The following KCNQ1 variants were observed in gnomAD, a reference collection of about 807,000 sequenced individuals.
KCNQ1 encodes potassium voltage-gated channel subfamily KQT member 1.
KCNQ1 carries 49 observed loss-of-function variants against 72.4 expected under a neutral mutation model. That is an observed-to-expected ratio of 0.68 (90% CI 0.54 to 0.86). The LOEUF (loss-of-function observed/expected upper bound fraction) is 0.86, where lower values mean the gene tolerates loss of function less well. Among genes scored for constraint, KCNQ1 ranks in the 40% least tolerant of loss-of-function variants. KCNQ1 has a pLI of 0.00. For synonymous variants in KCNQ1, 450 were observed against 412.6 expected (o/e 1.09, Z -1.10); for missense variants, 790 against 945.1 (o/e 0.84, Z 2.15).
rs34219164 is a variant in KCNQ1 at position 2,674,832 on chromosome 11, TAAAAAAAA to T, written c.1514+12772_1514+12779del. Reference sequence around the variant, plus strand: ...GCTTGTCACCCTAATAGCTGTTTTTTAAAAAAAAAAAAAAAAAAAAAAAAAAAAGCTCA... The same window carrying T: ...GCTTGTCACCCTAATAGCTGTTTTTTAAAAAAAAAAAAAAAAAAAAGCTCA... On this transcript the variant is annotated intron_variant, in intron 11 of 15. Coordinates refer to ENST00000155840, the MANE Select transcript of KCNQ1 (RefSeq NM_000218.3). This position sits in a 1 kb window ranked among gnomAD's most constrained non-coding sequence, Gnocchi z 5.9. 3.3e-5 allele frequency: 10 copies of T among 303,898 alleles called. No homozygotes were observed. The highest frequency in any genetic ancestry group is 1.4e-4 in the African/African-American group (4 of 27,852). 18.8% of individuals were successfully genotyped at this position (303,898 alleles called of 1,614,324 possible). A position where few individuals can be genotyped will look rare whatever the true frequency, so the allele number is the denominator to read the frequency against.
intron 11 of KCNQ1, chr11:2,699,712 C>T (rs1850755676): frequency 8.6e-6 from 3 of 347,240 alleles, no homozygotes; most frequent in Non-Finnish European, 1.5e-5. Context: ...AGAACGGCGC[C>T]GAGGAGTCCC....
intron 11 of KCNQ1, among the ~76,000 whole-genome samples, chr11:2,732,920 C>T (rs906457178): frequency 6.6e-6 from 1 of 152,118 alleles, no homozygotes; most frequent in African/African-American, 2.4e-5. Context: ...CTGGTCCCAC[C>T]CACCCTCTGG....
chr11:2,493,338 G>A lies in KCNQ1; in HGVS notation c.387-34590G>A, dbSNP rs1846864447. Among the ~76,000 whole-genome samples the A allele has an allele frequency of 6.6e-6, 1 of 152,122 alleles. No individual in the cohort carries two copies. Among genetic ancestry groups the A allele is most frequent in the African/African-American group, 2.4e-5 (1 of 41,432 alleles). On this transcript the variant is annotated intron_variant, in intron 1 of 15. Transcript: ENST00000155840. The surrounding 1 kb of genome is among the most constrained non-coding windows in gnomAD (Gnocchi z 5.3). Reference sequence around the variant, plus strand: ...TGATGCTAGCTTCTTTTACTGTGCAGAAGCTCTTTAGTTTAATTAGATCCC... The same window carrying A: ...TGATGCTAGCTTCTTTTACTGTGCAAAAGCTCTTTAGTTTAATTAGATCCC...
In KCNQ1 at chr11:2,588,970, A is replaced by G; in HGVS notation, c.1393+116A>G. On this transcript the variant is annotated intron_variant, in intron 10 of 15. Coordinates refer to ENST00000155840, the MANE Select transcript of KCNQ1 (RefSeq NM_000218.3). The surrounding 1 kb of genome is among the most constrained non-coding windows in gnomAD (Gnocchi z 5.6). ...GGGCTGTGGTCTCTGACAACGAGGT[A>G]TGAACAGACAGAGGGTGGAGCTTCT... 2 of 1,229,256 alleles carry G rather than the reference A, an allele frequency of 1.6e-6. No homozygotes were observed. The highest frequency in any genetic ancestry group is 2.3e-6 in the Non-Finnish European group (2 of 865,128). 76.1% of individuals were successfully genotyped at this position (1,229,256 alleles called of 1,614,324 possible).
chr11:2,448,912 C>T (rs940291167), intron 1 of KCNQ1, among the ~76,000 whole-genome samples: 1 of 152,224 alleles, frequency 6.6e-6, no homozygotes, highest in Admixed American at 6.5e-5. Flanking sequence ...CACAGGCATC[C>T]CTTACCCCTG....
At position 2,718,825 on chromosome 11, in the gene KCNQ1, C is replaced by G. The variant is rs1851147684; in HGVS notation, c.1515-50019C>G. On this transcript the variant is annotated intron_variant, in intron 11 of 15. Coordinates refer to ENST00000155840, the MANE Select transcript of KCNQ1 (RefSeq NM_000218.3). ...CAGGTGCCCATTTTACTACAGGGAT[C>G]TGAGAGCTGGCTAGGCAGGCATCCC... is the stretch of plus-strand genomic sequence containing the variant. 3.3e-5 allele frequency among the ~76,000 whole-genome samples: 5 copies of G among 152,258 alleles called. No homozygotes were observed. In the South Asian group the frequency reaches 1.0e-3, roughly 31 times the overall value.
chr11:2,769,899 G>A lies in KCNQ1; in HGVS notation c.1590+980G>A, dbSNP rs935679640. On this transcript the variant is annotated intron_variant, in intron 12 of 15. Transcript: ENST00000155840. The surrounding 1 kb of genome is among the most constrained non-coding windows in gnomAD (Gnocchi z 4.6). ...CCAGGAAGGCTCAGCAATGTCCGCC[G>A]ACCACCAGGACCCACAGTCGGTGGC... Among the ~76,000 whole-genome samples, 28 of 152,084 alleles carry A rather than the reference G, an allele frequency of 1.8e-4. No homozygotes were observed. The highest frequency in any genetic ancestry group is 6.0e-4 in the African/African-American group (25 of 41,406).
At chr11:2,838,659 G>C (rs533123753) in intron 15 of KCNQ1, among the ~76,000 whole-genome samples, 2 of 152,176 alleles carry the variant, frequency 1.3e-5, no homozygotes, top group South Asian at 4.1e-4. Context: ...GGATGTGGGG[G>C]CAGCAGGGCC....
At chr11:2,694,248 G>A (rs1350386065) in intron 11 of KCNQ1, 2 of 398,688 alleles carry the variant, frequency 5.0e-6, no homozygotes, top group Middle Eastern at 6.3e-4. Flanking sequence ...GCAAGCCAGG[G>A]CCTGCTGCCT....
rs1037137068 is a variant in KCNQ1 at position 2,826,029 on chromosome 11, G to A, written c.1795-21738G>A. On this transcript the variant is annotated intron_variant, in intron 15 of 15. Coordinates refer to ENST00000155840, the MANE Select transcript of KCNQ1 (RefSeq NM_000218.3). The surrounding 1 kb of genome is among the most constrained non-coding windows in gnomAD (Gnocchi z 4.2). The stretch of plus-strand genomic sequence containing the variant: ...TCGTCCTCCCCGCCATCCTGGAAAC[G>A]ATTTTGTTGTCTGCAGAGATTATGT... 2.6e-5 allele frequency among the ~76,000 whole-genome samples: 4 copies of A among 152,146 alleles called. No homozygotes were observed. Among genetic ancestry groups the A allele is most frequent in the South Asian group, 2.1e-4 (1 of 4,822 alleles).
At chr11:2,552,592 A>T (rs1436199868) in intron 2 of KCNQ1, among the ~76,000 whole-genome samples, 1 of 152,250 alleles carries the variant, frequency 6.6e-6, no homozygotes, top group Non-Finnish European at 1.5e-5. Context: ...CTACCAAAAA[A>T]AAAATTGGCT....
At chr11:2,757,446 T>C (rs913684851) in intron 11 of KCNQ1, among the ~76,000 whole-genome samples, 2 of 152,214 alleles carry the variant, frequency 1.3e-5, no homozygotes, top group Non-Finnish European at 2.9e-5. Flanking sequence ...TGGAGAGATA[T>C]TCCATGTTCA....
Position 2,731,603 on chromosome 11 carries a change from G to A in KCNQ1, c.1515-37241G>A, listed in dbSNP as rs574374137. 1.6e-4 allele frequency among the ~76,000 whole-genome samples: 25 copies of A among 152,366 alleles called. 1 individual carries two copies. The South Asian group carries it at 5.0e-3, about 30-fold the overall frequency. ...TTCGCTGCTTGAGGCAAGCCCTCCG[G>A]AACAGACCCATCTTTTGGGGGACCC... On this transcript the variant is annotated intron_variant, in intron 11 of 15. Coordinates refer to ENST00000155840, the MANE Select transcript of KCNQ1 (RefSeq NM_000218.3).
chr11:2,622,813 C>A, intron 10 of KCNQ1: 1 of 398,612 alleles, frequency 2.5e-6, no homozygotes, highest in Non-Finnish European at 4.4e-6. Flanking sequence ...ACATACAGAG[C>A]TTTTCCCATT....
chr11:2,658,576 G>A lies in KCNQ1; in HGVS notation c.1394-3385G>A. On this transcript the variant is annotated intron_variant, in intron 10 of 15. Coordinates refer to ENST00000155840, the MANE Select transcript of KCNQ1 (RefSeq NM_000218.3). This position sits in a 1 kb window ranked among gnomAD's most constrained non-coding sequence, Gnocchi z 4.9. ...CCCTAGAATCATCCATTCATCCAGA[G>A]AGCCCTGGCTCCCTGGAGAATGAAT... 1 of 339,182 alleles carries A rather than the reference G, an allele frequency of 2.9e-6. No individual in the cohort carries two copies. Among genetic ancestry groups the A allele is most frequent in the African/African-American group, 2.6e-5 (1 of 37,868 alleles). The allele number at this position is 339,182 out of a possible 1,614,324, so 21.0% of individuals were successfully genotyped here.
chr11:2,735,056 A>G lies in KCNQ1; in HGVS notation c.1515-33788A>G, dbSNP rs933404238. On this transcript the variant is annotated intron_variant, in intron 11 of 15. Coordinates refer to ENST00000155840, the MANE Select transcript of KCNQ1 (RefSeq NM_000218.3). The surrounding 1 kb of genome is among the most constrained non-coding windows in gnomAD (Gnocchi z 7.7). ...TAACAAGAGGCACATGTGCCAGGGA[A>G]GCCCTGCCTTGTCATCACCTGTGCC... Among the ~76,000 whole-genome samples, 1 of 152,076 alleles carries G rather than the reference A, an allele frequency of 6.6e-6. No homozygotes were observed. Among genetic ancestry groups the G allele is most frequent in the Non-Finnish European group, 1.5e-5 (1 of 67,986 alleles).
At chr11:2,701,561 A>G (rs548984001) in intron 11 of KCNQ1, among the ~76,000 whole-genome samples, 1 of 152,328 alleles carries the variant, frequency 6.6e-6, no homozygotes, top group South Asian at 2.1e-4. Context: ...TTCACGCTAT[A>G]ATGTCACTGT....
chr11:2,663,943 A>G lies in KCNQ1; in HGVS notation c.1514+1862A>G. The G allele has an allele frequency of 7.5e-6, 3 of 398,670 alleles. No individual in the cohort carries two copies. Among genetic ancestry groups the G allele is most frequent in the Non-Finnish European group, 1.3e-5 (3 of 226,112 alleles). 24.7% of individuals were successfully genotyped at this position (398,670 alleles called of 1,614,324 possible). A position where few individuals can be genotyped will look rare whatever the true frequency, so the allele number is the denominator to read the frequency against. Reference sequence around the variant, plus strand: ...GGGCTGTTTCTTGTTCCACTCCAGGATGACAGGGCCTGAGAGACCTGAACA... The same window carrying G: ...GGGCTGTTTCTTGTTCCACTCCAGGGTGACAGGGCCTGAGAGACCTGAACA... On this transcript the variant is annotated intron_variant, in intron 11 of 15. Transcript: ENST00000155840. This position sits in a 1 kb window ranked among gnomAD's most constrained non-coding sequence, Gnocchi z 5.2.
At chr11:2,639,241 G>C (rs1348436602) in intron 10 of KCNQ1, 1 of 152,170 alleles carries the variant, frequency 6.6e-6, no homozygotes, top group Non-Finnish European at 1.5e-5. Context: ...GTCCAGCTTT[G>C]TTCCATTGCT....
Sources: allele counts gnomAD v4.1 joint callset (sites outside exome capture counted in the v4.1 genomes callset), GRCh38; gene constraint gnomAD v4.1.1; non-coding constraint Gnocchi (gnomAD v3.1); transcripts MANE v1.5; gene names NCBI Gene and HGNC (gene_info 2026-07-23, HGNC 2026-07-21).